Variants in ENDOD1 observed in about 807,000 individuals in gnomAD.
ENDOD1 encodes the protein endonuclease domain containing 1, also known as endonuclease domain-containing 1 protein.
Under a neutral mutation model 6.5 loss-of-function variants are expected in ENDOD1, and 9 were observed. The ratio of observed to expected loss-of-function variants is 1.39; its 90% CI spans 0.84 to 2.43. The LOEUF (loss-of-function observed/expected upper bound fraction) is 2.43, where lower values mean the gene tolerates loss of function less well. Among genes scored for constraint, ENDOD1 ranks in the 30% most tolerant of loss-of-function variants. The probability of loss-of-function intolerance (pLI) is 0.00; values close to 1 mark genes in which losing one functional copy is unlikely to be tolerated. For synonymous variants in ENDOD1, 255 were observed against 255.2 expected (o/e 1.00, Z 0.01); for missense variants, 648 against 635.5 (o/e 1.02, Z -0.21).
intron 1 of ENDOD1, among the ~76,000 whole-genome samples, chr11:95,094,124 A>G (rs59603134): frequency 0.11 from 16,302 of 147,968 alleles, 1,008 homozygotes; most frequent in South Asian, 0.2. Flanking sequence ...GAATATATAA[A>G]TTATATAATT....
At chr11:95,107,559 A>G (rs1859101636) in intron 1 of ENDOD1, among the ~76,000 whole-genome samples, 1 of 152,146 alleles carries the variant, frequency 6.6e-6, no homozygotes, top group Non-Finnish European at 1.5e-5. Flanking sequence ...CAGAGTGGAA[A>G]ACAGGCTTCT....
chr11:95,106,055 G>A (rs1363625281), intron 1 of ENDOD1, among the ~76,000 whole-genome samples: 2 of 152,174 alleles, frequency 1.3e-5, no homozygotes, highest in South Asian at 2.1e-4. Flanking sequence ...CTCTCTTCCC[G>A]CCTTCCCATT....
intron 1 of ENDOD1, among the ~76,000 whole-genome samples, chr11:95,127,058 T>G (rs920536640): frequency 1.3e-5 from 2 of 152,186 alleles, no homozygotes; most frequent in African/African-American, 4.8e-5. Context: ...TCCCTGTTTT[T>G]TAAAATGTGG....
At position 95,110,064 on chromosome 11, in the gene ENDOD1, T is replaced by C. The variant is rs184189439; in HGVS notation, c.301-18313T>C. Among the ~76,000 whole-genome samples, 264 of 152,368 alleles carry C rather than the reference T, an allele frequency of 1.7e-3. 2 individuals are homozygous for C. Among genetic ancestry groups the C allele is most frequent in the African/African-American group, 6.2e-3 (258 of 41,580 alleles). On this transcript the variant is annotated intron_variant, in intron 1 of 1. Coordinates refer to ENST00000278505, the MANE Select transcript of ENDOD1 (RefSeq NM_015036.3). The stretch of plus-strand genomic sequence containing the variant: ...CCCCACTTGTCCTGGCTGACATCCA[T>C]GGGGCCTTTCTTTTCAGTGGTCTTT...
chr11:95,101,463 G>A (rs1859040129), intron 1 of ENDOD1, among the ~76,000 whole-genome samples: 1 of 152,136 alleles, frequency 6.6e-6, no homozygotes, highest in South Asian at 2.1e-4. Context: ...CGTACAGACA[G>A]TTTTCAACTA....
In ENDOD1 at chr11:95,130,935, A is replaced by G. The variant is rs1859364591; in HGVS notation, c.*1356A>G. ...TTTTAAAGAATTGCTGAGAGGTAGA[A>G]ACAGCCAAGTATGAAATACTGATCT... On this transcript the variant is annotated 3_prime_UTR_variant, in exon 2 of 2. Transcript: ENST00000278505. 1.3e-5 allele frequency: 2 copies of G among 152,262 alleles called. No homozygotes were observed. Among genetic ancestry groups the G allele is most frequent in the Admixed American group, 1.3e-4 (2 of 15,288 alleles). The allele number at this position is 152,262 out of a possible 1,614,324, so 9.4% of individuals were successfully genotyped here.
At chr11:95,126,338 T>C (rs1859311935) in intron 1 of ENDOD1, among the ~76,000 whole-genome samples, 1 of 152,224 alleles carries the variant, frequency 6.6e-6, no homozygotes. Flanking sequence ...TTTATATGTT[T>C]AGTGAGTAGC....
rs1565448610 is a variant in ENDOD1, at chr11:95,122,525, C to T, written c.301-5852C>T. ...AGTGCTGGGTTTATATGTGCGTGAG[C>T]CACCATGCCTGGCCTATTACTATTT... On this transcript the variant is annotated intron_variant, in intron 1 of 1. Coordinates refer to ENST00000278505, the MANE Select transcript of ENDOD1 (RefSeq NM_015036.3). Among the ~76,000 whole-genome samples the T allele has an allele frequency of 9.4e-5, 14 of 148,202 alleles. No homozygotes were observed. In the South Asian group the frequency reaches 3.0e-3, roughly 32 times the overall value.
intron 1 of ENDOD1, among the ~76,000 whole-genome samples, chr11:95,112,533 G>A (rs1377554956): frequency 1.3e-5 from 2 of 152,214 alleles, no homozygotes; most frequent in Admixed American, 6.5e-5. Context: ...CTGATCCCCT[G>A]CTGCCCTTTC....
At chr11:95,127,250 C>T (rs1211992527) in intron 1 of ENDOD1, among the ~76,000 whole-genome samples, 1 of 152,100 alleles carries the variant, frequency 6.6e-6, no homozygotes, top group Non-Finnish European at 1.5e-5. Context: ...TAAATTAATC[C>T]TAAGCACTTT....
In ENDOD1 at chr11:95,129,043, G is replaced by T. The variant is rs763277422; in HGVS notation, c.967G>T (p.Gly323Ter). The T allele has an allele frequency of 3.7e-6, 6 of 1,613,936 alleles. No individual in the cohort carries two copies. Among genetic ancestry groups the T allele is most frequent in the Non-Finnish European group, 5.1e-6 (6 of 1,180,010 alleles). The stretch of plus-strand genomic sequence containing the variant: ...TCTGTTGCCTCCAGAGGCATCTGAG[G>T]GAAGTAGTAGCTTTTTGGGAAAACT... ...STLLPPEASE[G>*]SSSFLGKLMG... Residue 323 changes from glycine (G) to a stop codon, truncating the protein, a stop_gained, in exon 2 of 2, where the codon GGA (glycine) becomes TGA (stop). Coordinates refer to ENST00000278505, the MANE Select transcript of ENDOD1 (RefSeq NM_015036.3). LOFTEE classifies it low-confidence loss of function (END_TRUNC).
At chr11:95,110,839 T>A (rs1859142356) in intron 1 of ENDOD1, among the ~76,000 whole-genome samples, 1 of 152,154 alleles carries the variant, frequency 6.6e-6, no homozygotes, top group South Asian at 2.1e-4. Context: ...TTTCTTAGTC[T>A]TCTGGCCCTG....
intron 1 of ENDOD1, among the ~76,000 whole-genome samples, chr11:95,108,494 A>AACACACACACACACAC (rs34439162): frequency 0.031 from 4,526 of 146,436 alleles, 149 homozygotes; most frequent in African/African-American, 0.08. Context: ...CTCTTTTCTA[A>AACACACACACACACAC]ACACACACAC....
At chr11:95,112,816 C>A (rs531023670) in intron 1 of ENDOD1, among the ~76,000 whole-genome samples, 3 of 152,254 alleles carry the variant, frequency 2.0e-5, no homozygotes, top group African/African-American at 7.2e-5. Flanking sequence ...CTGGATTATG[C>A]TGTTGCTTTT....
chr11:95,106,054 C>T (rs1230038331), intron 1 of ENDOD1, among the ~76,000 whole-genome samples: 5 of 152,178 alleles, frequency 3.3e-5, no homozygotes, highest in African/African-American at 7.2e-5. Context: ...TCTCTCTTCC[C>T]GCCTTCCCAT....
rs560710597 is a variant in ENDOD1, at chr11:95,130,066, G to A, written c.*487G>A. The A allele has an allele frequency of 2.0e-4, 30 of 153,508 alleles. No homozygotes were observed. Among genetic ancestry groups the A allele is most frequent in the African/African-American group, 6.3e-4 (26 of 41,468 alleles). 9.5% of individuals were successfully genotyped at this position (153,508 alleles called of 1,614,324 possible). On this transcript the variant is annotated 3_prime_UTR_variant, in exon 2 of 2. Transcript: ENST00000278505. Reference sequence around the variant, plus strand: ...ATTTGCTTCTCTTTCTCCTCAACTCGACTGACCTTGGTGGAATGCAGATAA... The same window carrying A: ...ATTTGCTTCTCTTTCTCCTCAACTCAACTGACCTTGGTGGAATGCAGATAA...
rs61745320 is a variant in ENDOD1 at position 95,128,809 on chromosome 11, A to G, written c.733A>G (p.Ile245Val). Residue 245 changes from isoleucine to valine, a missense_variant, in exon 2 of 2, where the codon ATC becomes GTC. Physicochemically the swap from Ile to Val is conservative, Grantham distance 29. Transcript: ENST00000278505. ...TGTCAAGCACACCCGGGACAGTGAC[A>G]TCATAGAAGATGTGATGGTAAAAGA... ...GFVKHTRDSD[I>V]IEDVMVKDLQ... The G allele has an allele frequency of 1.5e-3, 2,413 of 1,614,204 alleles. 26 individuals carry two copies. In the African/African-American group the frequency reaches 0.029, roughly 19 times the overall value.
At chr11:95,123,602 A>AAT (rs34000528) in intron 1 of ENDOD1, among the ~76,000 whole-genome samples, 1 of 151,938 alleles carries the variant, frequency 6.6e-6, no homozygotes, top group Non-Finnish European at 1.5e-5. Context: ...AAAAAAAAAA[A>AAT]AAATTTAAGC....
At chr11:95,118,217 A>C (rs1277633143) in intron 1 of ENDOD1, among the ~76,000 whole-genome samples, 1 of 152,190 alleles carries the variant, frequency 6.6e-6, no homozygotes, top group African/African-American at 2.4e-5. Flanking sequence ...CACAGTTACA[A>C]TATAATAATA....
Sources: gnomAD v4.1 joint callset for allele counts (sites outside exome capture counted in the v4.1 genomes callset) on GRCh38, gnomAD v4.1.1 for gene constraint, MANE v1.5 for transcripts, NCBI Gene and HGNC (gene_info 2026-07-23, HGNC 2026-07-21) for gene names.